Variants in SLC12A4 observed in about 807,000 individuals in gnomAD.
SLC12A4 encodes the protein solute carrier family 12 member 4.
In SLC12A4, 84 loss-of-function variants were observed where a neutral mutation model predicts 119.2. The ratio of observed to expected loss-of-function variants is 0.70; its 90% CI spans 0.59 to 0.85. SLC12A4 has a LOEUF of 0.85. Among genes scored for constraint, SLC12A4 ranks in the 40% least tolerant of loss-of-function variants. The pLI is 0.00. For missense variants in SLC12A4, 1,298 were observed against 1,476.3 expected (o/e 0.88, Z 1.98); for synonymous variants, 599 against 604.6 (o/e 0.99, Z 0.14).
Position 67,952,342 on chromosome 16 carries a change from C to T in SLC12A4, c.759G>A (p.Val253=), listed in dbSNP as rs1466315600. 1.2e-6 allele frequency: 2 copies of T among 1,614,104 alleles called. No individual in the cohort carries two copies. The highest frequency in any genetic ancestry group is 1.3e-5 in the African/African-American group (1 of 74,928). ...TGAAGGTCAGGAAAATGGTCCCATA[C>T]ACACGCATATTGTTCAAAGTGGCAT... is the stretch of plus-strand genomic sequence containing the variant. ...TSNATLNNMR[V]YGTIFLTFMT... is the part of the protein sequence containing the mutation. The change falls in exon 7 of 24, where the codon GTG becomes GTA. Residue 253 remains valine (V), a synonymous_variant. Transcript: ENST00000316341.
In SLC12A4 at chr16:67,944,229, C is replaced by T. The variant is rs533238681; in HGVS notation, c.*611G>A. The T allele has an allele frequency of 6.0e-4, 867 of 1,447,004 alleles. 2 individuals carry two copies. The highest frequency in any genetic ancestry group is 2.5e-3 in the Middle Eastern group (10 of 3,932). 89.6% of individuals were successfully genotyped at this position (1,447,004 alleles called of 1,614,324 possible). A position where few individuals can be genotyped will look rare whatever the true frequency, so the allele number is the denominator to read the frequency against. ...AGTGGGGGTTGTGGCCAGAGATTGC[C>T]GGAAAGGGGCACAGCCTCAGGGAGC... On this transcript the variant is annotated 3_prime_UTR_variant, in exon 24 of 24. Transcript: ENST00000316341. The surrounding 1 kb of genome is among the most constrained non-coding windows in gnomAD (Gnocchi z 6.6).
Position 67,947,712 on chromosome 16 carries a change from T to C in SLC12A4, c.1924A>G (p.Met642Val), listed in dbSNP as rs2058368272. ...TTGTAGATCATGCCGGCGATGAGCA[T>C]GGCCACCAGGGCATAGTACCAGGAG... ...VSSWYYALVA[M>V]LIAGMIYKYI... Residue 642 changes from methionine (M) to valine (V), a missense_variant, in exon 15 of 24, where the codon ATG becomes GTG. Transcript: ENST00000316341. 1.3e-6 allele frequency: 2 copies of C among 1,599,080 alleles called. No homozygotes were observed. Among genetic ancestry groups the C allele is most frequent in the African/African-American group, 1.3e-5 (1 of 74,662 alleles).
rs778773768 is a variant in SLC12A4, at chr16:67,950,721, C to T, written c.1397-10G>A. On this transcript the variant is annotated splice_polypyrimidine_tract_variant and intron_variant, in intron 10 of 23. Transcript: ENST00000316341. This position sits in a 1 kb window ranked among gnomAD's most constrained non-coding sequence, Gnocchi z 4.3. ...ACCACACTGCTGAAGTCTGCGGCGG[C>T]GTCAAGGAAAACTCGGCCTCTGCCA... 1.4e-5 allele frequency: 22 copies of T among 1,603,912 alleles called. No individual in the cohort carries two copies. In the Admixed American group the frequency reaches 1.7e-4, roughly 12 times the overall value.
rs763018899 is a variant in SLC12A4, at chr16:67,943,948, C to T, written c.*892G>A. Reference sequence around the variant, plus strand: ...CATCAGGGGCCTGGTGGGGGCTTACCGAGGATGACGGGCCGTGTGTGGTTA... The same window carrying T: ...CATCAGGGGCCTGGTGGGGGCTTACTGAGGATGACGGGCCGTGTGTGGTTA... On this transcript the variant is annotated 3_prime_UTR_variant, in exon 24 of 24. Coordinates refer to ENST00000316341, the MANE Select transcript of SLC12A4 (RefSeq NM_005072.5). The surrounding 1 kb of genome is among the most constrained non-coding windows in gnomAD (Gnocchi z 4.6). 4.5e-6 allele frequency: 7 copies of T among 1,545,440 alleles called. No homozygotes were observed. Among genetic ancestry groups the T allele is most frequent in the South Asian group, 2.4e-5 (2 of 83,456 alleles).
Position 67,949,936 on chromosome 16 carries a change from G to A in SLC12A4, c.1630-18C>T. 1 of 1,583,088 alleles carries A rather than the reference G, an allele frequency of 6.3e-7. No individual in the cohort carries two copies. The highest frequency in any genetic ancestry group is 8.7e-7 in the Non-Finnish European group (1 of 1,152,712). On this transcript the variant is annotated intron_variant, in intron 12 of 23. Transcript: ENST00000316341. The surrounding 1 kb of genome is among the most constrained non-coding windows in gnomAD (Gnocchi z 4.6). ...CCAAACACCTGTGTGCACCAGGAAG[G>A]AAGCTGGGTCCTGTCACCCCCATTC...
Position 67,951,022 on chromosome 16 carries a change from C to T in SLC12A4, c.1336G>A (p.Asp446Asn). ...AGSNRSGDLR[D>N]AQKSIPVGTI... ...CCCACAGGGATAGACTTCTGGGCGT[C>T]ACGAAGGTCCCCAGAGCGGTTTGAG... The change falls in exon 10 of 24, where the codon GAC becomes AAC. Residue 446 changes from aspartate to asparagine, a missense_variant. Physicochemically the swap from Asp to Asn is conservative, Grantham distance 23. Coordinates refer to ENST00000316341, the MANE Select transcript of SLC12A4 (RefSeq NM_005072.5). This position sits in a 1 kb window ranked among gnomAD's most constrained non-coding sequence, Gnocchi z 5.2. The T allele has an allele frequency of 6.2e-7, 1 of 1,613,948 alleles. No homozygotes were observed. The highest frequency in any genetic ancestry group is 1.1e-5 in the South Asian group (1 of 91,084).
chr16:67,958,187 A>G lies in SLC12A4; in HGVS notation c.343-143T>C, dbSNP rs1598225648. ...TAGGGGTGACAGCTAGGATGTCTCTATTGACTTTCATATAGGAAGACAGTT... is the reference window on the plus strand; with the variant it reads ...TAGGGGTGACAGCTAGGATGTCTCTGTTGACTTTCATATAGGAAGACAGTT... On this transcript the variant is annotated intron_variant, in intron 3 of 23. Coordinates refer to ENST00000316341, the MANE Select transcript of SLC12A4 (RefSeq NM_005072.5). 11 of 754,628 alleles carry G rather than the reference A, an allele frequency of 1.5e-5. No individual in the cohort carries two copies. In the East Asian group the frequency reaches 2.2e-4, roughly 15 times the overall value. The allele number at this position is 754,628 out of a possible 1,614,324, so 46.7% of individuals were successfully genotyped here.
At position 67,946,444 on chromosome 16, in the gene SLC12A4, A is replaced by G. The variant is rs768787044; in HGVS notation, c.2431T>C (p.Phe811Leu). The change falls in exon 18 of 24, where the codon TTC becomes CTC. Residue 811 changes from phenylalanine (F) to leucine (L), a missense_variant. Coordinates refer to ENST00000316341, the MANE Select transcript of SLC12A4 (RefSeq NM_005072.5). ...QSEDPRAWKT[F>L]IDTVRCTTAA... is the part of the protein sequence containing the mutation. ...GCCCCAGGCCTTCACACACCAATGA[A>G]GGTCTTCCAGGCACGGGGGTCCTCG... The G allele has an allele frequency of 4.4e-6, 7 of 1,605,212 alleles. No individual in the cohort carries two copies. In the Admixed American group the frequency reaches 5.0e-5, roughly 11 times the overall value.
chr16:67,946,518 A>C lies in SLC12A4; in HGVS notation c.2357T>G (p.Met786Arg). 1 of 1,610,374 alleles carries C rather than the reference A, an allele frequency of 6.2e-7. No individual in the cohort carries two copies. The highest frequency in any genetic ancestry group is 1.1e-5 in the South Asian group (1 of 91,080). ...HLIQSCGLGG[M>R]RHNSVVLGWP... ...GCCCAGCACCACGGAGTTATGCCGC[A>C]TGCCTCCCAGGCCACAGGACTGGAT... The change falls in exon 18 of 24, where the codon ATG becomes AGG. Residue 786 changes from methionine (M) to arginine (R), a missense_variant. Met to Arg is a moderately conservative substitution (Grantham distance 91). Transcript: ENST00000316341.
At position 67,950,272 on chromosome 16, in the gene SLC12A4, G is replaced by A. The variant is rs751052371; in HGVS notation, c.1629+47C>T. 9 of 1,588,430 alleles carry A rather than the reference G, an allele frequency of 5.7e-6. No individual in the cohort carries two copies. The highest frequency in any genetic ancestry group is 2.2e-5 in the South Asian group (2 of 89,596). ...TCCCTATCTCTCTCCCCAGCCGGGC[G>A]AGGGCCTGGGAGCAGCCAGGCCATG... On this transcript the variant is annotated intron_variant, in intron 12 of 23. Transcript: ENST00000316341. The surrounding 1 kb of genome is among the most constrained non-coding windows in gnomAD (Gnocchi z 4.3).
At chr16:67,958,720 G>C (rs2030405435) in intron 3 of SLC12A4, among the ~76,000 whole-genome samples, 1 of 151,950 alleles carries the variant, frequency 6.6e-6, no homozygotes, top group Middle Eastern at 3.2e-3. Flanking sequence ...TCTCTTATTA[G>C]CTCCAGCCCC....
chr16:67,956,673 G>A (rs531919877), intron 5 of SLC12A4, among the ~76,000 whole-genome samples: 2 of 151,964 alleles, frequency 1.3e-5, no homozygotes, highest in East Asian at 3.9e-4. Flanking sequence ...GACAGAGAGA[G>A]ACTCTGTCTC....
chr16:67,949,743 G>A lies in SLC12A4; in HGVS notation c.1748+57C>T. 1.7e-6 allele frequency: 2 copies of A among 1,195,916 alleles called. No individual in the cohort carries two copies. Among genetic ancestry groups the A allele is most frequent in the Non-Finnish European group, 2.4e-6 (2 of 826,640 alleles). 74.1% of individuals were successfully genotyped at this position (1,195,916 alleles called of 1,614,324 possible). ...CAACACCAGACGCAGCCACGGGGAG[G>A]TGCTGGGGTTCAGGAAGCCTTTCCC... On this transcript the variant is annotated intron_variant, in intron 13 of 23. Coordinates refer to ENST00000316341, the MANE Select transcript of SLC12A4 (RefSeq NM_005072.5). This position sits in a 1 kb window ranked among gnomAD's most constrained non-coding sequence, Gnocchi z 4.6.
chr16:67,967,786 A>C (rs1358114463), intron 1 of SLC12A4, among the ~76,000 whole-genome samples: 1 of 152,156 alleles, frequency 6.6e-6, no homozygotes, highest in Non-Finnish European at 1.5e-5. Context: ...TAATGAGAGT[A>C]ACAGTACTTA....
Position 67,944,908 on chromosome 16 carries a change from T to G in SLC12A4, c.3190A>C (p.Thr1064Pro). The G allele has an allele frequency of 3.1e-6, 5 of 1,613,398 alleles. No individual in the cohort carries two copies. Among genetic ancestry groups the G allele is most frequent in the Non-Finnish European group, 4.2e-6 (5 of 1,180,000 alleles). The change falls in exon 24 of 24, where the codon ACC becomes CCC. Residue 1064 changes from threonine to proline, a missense_variant. By Grantham distance (38) the Thr-to-Pro change is conservative. Transcript: ENST00000316341. This position sits in a 1 kb window ranked among gnomAD's most constrained non-coding sequence, Gnocchi z 6.6. Reference sequence around the variant, plus strand: ...AACAGCACCCGCTCAAGGCCCTCGGTCAGCACCTCGAGGAACTCCATGTCT... The same window carrying G: ...AACAGCACCCGCTCAAGGCCCTCGGGCAGCACCTCGAGGAACTCCATGTCT... ...ENYMEFLEVL[T>P]EGLERVLLVR...
Position 67,968,529 on chromosome 16 carries a change from C to A in SLC12A4, c.25G>T (p.Val9Leu). The A allele has an allele frequency of 6.3e-7, 1 of 1,580,868 alleles. No individual in the cohort carries two copies. The change falls in exon 1 of 24, where the codon GTG (valine) becomes TTG (leucine). Residue 9 changes from valine (V) to leucine (L), a missense_variant. Val to Leu is a conservative substitution (Grantham distance 32). Transcript: ENST00000316341. MPHFTVVP[V>L]DGPRRGDYDN... Reference sequence around the variant, plus strand: ...TAGTCGCCGCGCCTCGGCCCGTCCACTGGCACCACGGTGAAGTGAGGCATC... The same window carrying A: ...TAGTCGCCGCGCCTCGGCCCGTCCAATGGCACCACGGTGAAGTGAGGCATC...
Position 67,944,535 on chromosome 16 carries a change from G to A in SLC12A4, c.*305C>T, listed in dbSNP as rs1028156773. On this transcript the variant is annotated 3_prime_UTR_variant, in exon 24 of 24. Transcript: ENST00000316341. This position sits in a 1 kb window ranked among gnomAD's most constrained non-coding sequence, Gnocchi z 6.6. ...AATATGCAATAAATAGCGCTCCTGGGCTGGGCCGGGCCGGCTGCCTTCAAA... is the reference window on the plus strand; with the variant it reads ...AATATGCAATAAATAGCGCTCCTGGACTGGGCCGGGCCGGCTGCCTTCAAA... The A allele has an allele frequency of 7.8e-7, 1 of 1,286,690 alleles. No homozygotes were observed. Among genetic ancestry groups the A allele is most frequent in the African/African-American group, 1.5e-5 (1 of 67,378 alleles). The allele number at this position is 1,286,690 out of a possible 1,614,324, so 79.7% of individuals were successfully genotyped here.
chr16:67,946,145 T>C (rs1489765254), intron 19 of SLC12A4, 26 bp downstream of exon 19: 1 of 1,613,242 alleles, frequency 6.2e-7, no homozygotes. Context: ...CTAGCCCCTC[T>C]CATCTGCACC....
At position 67,949,516 on chromosome 16, in the gene SLC12A4, G is replaced by A. The variant is rs971669741; in HGVS notation, c.1748+284C>T. On this transcript the variant is annotated intron_variant, in intron 13 of 23. Transcript: ENST00000316341. This position sits in a 1 kb window ranked among gnomAD's most constrained non-coding sequence, Gnocchi z 4.6. ...GAAGGGGCAGCAGTGGCTTCATGGA[G>A]GCATGAGGGACGCGGTGGTTGCCCT... 6.2e-6 allele frequency: 2 copies of A among 320,690 alleles called. No homozygotes were observed. The highest frequency in any genetic ancestry group is 5.1e-5 in the Admixed American group (1 of 19,490). 19.9% of individuals were successfully genotyped at this position (320,690 alleles called of 1,614,324 possible). A position where few individuals can be genotyped will look rare whatever the true frequency, so the allele number is the denominator to read the frequency against.
Sources: allele counts gnomAD v4.1 joint callset (sites outside exome capture counted in the v4.1 genomes callset), GRCh38; gene constraint gnomAD v4.1.1; non-coding constraint Gnocchi (gnomAD v3.1); transcripts MANE v1.5; gene names NCBI Gene and HGNC (gene_info 2026-07-23, HGNC 2026-07-21).